Variants in TIGIT observed in about 807,000 individuals in gnomAD.
The protein encoded by TIGIT is T-cell immunoreceptor with Ig and ITIM domains.
In TIGIT, 11 loss-of-function variants were observed where a neutral mutation model predicts 19.6. The observed-to-expected ratio is 0.56, with a 90% confidence interval of 0.35 to 0.93. TIGIT has a LOEUF of 0.93. Among genes scored for constraint, TIGIT ranks in the 40% least tolerant of loss-of-function variants. The pLI is 0.01. For synonymous variants in TIGIT, 130 were observed against 125.5 expected, an observed-to-expected ratio of 1.04 and a Z score of -0.24; for missense variants, 295 against 303.9, an observed-to-expected ratio of 0.97 and a Z score of 0.22.
In TIGIT at chr3:114,309,515, T is replaced by C. The variant is rs1343812948; in HGVS notation, c.*1384T>C. 1.3e-5 allele frequency: 2 copies of C among 152,150 alleles called. No homozygotes were observed. Among genetic ancestry groups the C allele is most frequent in the Admixed American group, 6.5e-5 (1 of 15,276 alleles). 9.4% of individuals were successfully genotyped at this position (152,150 alleles called of 1,614,324 possible). A position where few individuals can be genotyped will look rare whatever the true frequency, so the allele number is the denominator to read the frequency against. Reference sequence around the variant, plus strand: ...CTGCTTCCTAAGACTTAGACTGGGGTTGACAATTGTTTTAGCAACAAGACA... The same window carrying C: ...CTGCTTCCTAAGACTTAGACTGGGGCTGACAATTGTTTTAGCAACAAGACA... On this transcript the variant is annotated 3_prime_UTR_variant, in exon 4 of 4. Transcript: ENST00000383671.
At chr3:114,295,898 T>C (rs762222481) in intron 2 of TIGIT, 24 bp downstream of exon 2, 4 of 1,557,640 alleles carry the variant, frequency 2.6e-6, no homozygotes, top group Non-Finnish European at 3.5e-6. Flanking sequence ...AGCAAGTTGG[T>C]GGATAAACCT....
intron 3 of TIGIT, among the ~76,000 whole-genome samples, chr3:114,307,326 C>A (rs756733382): frequency 6.6e-6 from 1 of 152,164 alleles, no homozygotes; most frequent in African/African-American, 2.4e-5. Flanking sequence ...GAGATTTGGG[C>A]ATCTTCAGAG....
intron 3 of TIGIT, among the ~76,000 whole-genome samples, chr3:114,303,890 G>A (rs183867805): frequency 1.9e-4 from 29 of 152,178 alleles, no homozygotes; most frequent in African/African-American, 5.5e-4. Context: ...CAGTGTAAAA[G>A]TGTTCCCCTT....
At position 114,295,557 on chromosome 3, in the gene TIGIT, G is replaced by A. The variant is rs1169726816; in HGVS notation, c.74G>A (p.Gly25Asp). ...TCCTCTTCCCTAGGAATGATGACAG[G>A]CACAATAGAAACAACGGGGAACATT... ...QAPLASGMMT[G>D]TIETTGNISA... The change falls in exon 2 of 4, where the codon GGC (glycine) becomes GAC (aspartate). Residue 25 changes from glycine (G) to aspartate (D), a missense_variant. Physicochemically the swap from Gly to Asp is moderately conservative, Grantham distance 94 (BLOSUM62 -1). Transcript: ENST00000383671. The A allele has an allele frequency of 1.9e-6, 3 of 1,613,406 alleles. No homozygotes were observed. The highest frequency in any genetic ancestry group is 2.5e-6 in the Non-Finnish European group (3 of 1,179,542).
In TIGIT at chr3:114,310,078, G is replaced by A. The variant is rs906520066; in HGVS notation, c.*1947G>A. The A allele has an allele frequency of 2.6e-5, 4 of 152,088 alleles. No individual in the cohort carries two copies. The highest frequency in any genetic ancestry group is 5.9e-5 in the Non-Finnish European group (4 of 68,016). The allele number at this position is 152,088 out of a possible 1,614,324, so 9.4% of individuals were successfully genotyped here. On this transcript the variant is annotated 3_prime_UTR_variant, in exon 4 of 4. Coordinates refer to ENST00000383671, the MANE Select transcript of TIGIT (RefSeq NM_173799.4). ...CCTGGAGACATGCGCTATCCACCAC[G>A]TAGCCACTTTCCACATGTGGCCATC...
chr3:114,307,589 A>G, intron 3 of TIGIT: 1 of 292,196 alleles, frequency 3.4e-6, no homozygotes, highest in Non-Finnish European at 6.5e-6. Context: ...AGGTCGACAG[A>G]GTCAAGTGCA....
intron 3 of TIGIT, among the ~76,000 whole-genome samples, chr3:114,306,234 G>A (rs561938402): frequency 6.6e-6 from 1 of 152,252 alleles, no homozygotes; most frequent in Admixed American, 6.5e-5. Flanking sequence ...TTTGGGAAAG[G>A]CAGGCCTCCA....
chr3:114,303,299 C>T (rs2078503911), intron 3 of TIGIT, among the ~76,000 whole-genome samples: 1 of 151,828 alleles, frequency 6.6e-6, no homozygotes, highest in African/African-American at 2.4e-5. Context: ...CCCCAAAGTC[C>T]ATTAGTCCCT....
Position 114,308,510 on chromosome 3 carries a change from A to G in TIGIT, c.*379A>G, listed in dbSNP as rs372129350. The G allele has an allele frequency of 7.7e-5, 13 of 168,056 alleles. No homozygotes were observed. In the East Asian group the frequency reaches 1.7e-3, roughly 23 times the overall value. 10.4% of individuals were successfully genotyped at this position (168,056 alleles called of 1,614,324 possible). On this transcript the variant is annotated 3_prime_UTR_variant, in exon 4 of 4. Transcript: ENST00000383671. The stretch of plus-strand genomic sequence containing the variant: ...TTGATGATGAGGATGGCATGACTGC[A>G]GAGCCATCCTCATCTCATTTTTTCA...
Position 114,308,270 on chromosome 3 carries a change from T to C in TIGIT, c.*139T>C. On this transcript the variant is annotated 3_prime_UTR_variant, in exon 4 of 4. Coordinates refer to ENST00000383671, the MANE Select transcript of TIGIT (RefSeq NM_173799.4). ...GTGTGTTCAGTTGAGTGAATAAATG[T>C]CATCCTCTTCTCCATCTTCATTTCC... 1.4e-6 allele frequency: 1 copy of C among 698,740 alleles called. No homozygotes were observed. Among genetic ancestry groups the C allele is most frequent in the Non-Finnish European group, 2.5e-6 (1 of 403,770 alleles). The allele number at this position is 698,740 out of a possible 1,614,324, so 43.3% of individuals were successfully genotyped here. A position where few individuals can be genotyped will look rare whatever the true frequency, so the allele number is the denominator to read the frequency against.
intron 1 of TIGIT, 110 bp from the exon 2 acceptor site, chr3:114,295,435 C>A (rs2078446764): frequency 2.5e-6 from 2 of 794,868 alleles, no homozygotes; most frequent in South Asian, 1.7e-5. Flanking sequence ...ACTGGAGAAA[C>A]TATCATTCCA....
rs2078557767 is a variant in TIGIT, at chr3:114,309,435, AAG to A, written c.*1308_*1309del. 6.6e-6 allele frequency: 1 copy of A among 152,226 alleles called. No homozygotes were observed. Among genetic ancestry groups the A allele is most frequent in the African/African-American group, 2.4e-5 (1 of 41,456 alleles). The allele number at this position is 152,226 out of a possible 1,614,324, so 9.4% of individuals were successfully genotyped here. On this transcript the variant is annotated 3_prime_UTR_variant, in exon 4 of 4. Coordinates refer to ENST00000383671, the MANE Select transcript of TIGIT (RefSeq NM_173799.4). ...TTTCTTTCATGGGCCAAGGAACTGA[AAG>A]AGAATGTGAAGCAAGGTTGTGTCTT...
chr3:114,303,380 G>A (rs2078504486), intron 3 of TIGIT, among the ~76,000 whole-genome samples: 1 of 151,670 alleles, frequency 6.6e-6, no homozygotes, highest in African/African-American at 2.4e-5. Flanking sequence ...TACAATGTTT[G>A]GTTTTTCATT....
intron 1 of TIGIT, 112 bp downstream of exon 1, chr3:114,294,234 G>C (rs2078439414): frequency 1.2e-6 from 1 of 825,582 alleles, no homozygotes; most frequent in South Asian, 1.8e-5. Flanking sequence ...AGCTGCTTGA[G>C]AGAAAGAAAT....
intron 1 of TIGIT, chr3:114,294,974 A>G (rs1011087898): frequency 1.3e-5 from 2 of 155,254 alleles, no homozygotes; most frequent in African/African-American, 4.8e-5. Flanking sequence ...CTAAGTGGGT[A>G]GACAAAATAG....
chr3:114,305,070 G>C (rs962116922), intron 3 of TIGIT, among the ~76,000 whole-genome samples: 1 of 152,218 alleles, frequency 6.6e-6, no homozygotes, highest in South Asian at 2.1e-4. Context: ...ATCTGAGGCT[G>C]TCATTTTCTC....
intron 2 of TIGIT, among the ~76,000 whole-genome samples, chr3:114,297,550 G>A (rs769975270): frequency 1.3e-5 from 2 of 152,108 alleles, no homozygotes; most frequent in Non-Finnish European, 2.9e-5. Context: ...ATCACCAGAC[G>A]GCAGGACCGG....
chr3:114,309,095 C>A lies in TIGIT; in HGVS notation c.*964C>A, dbSNP rs921119225. ...GCATTTGGGCCTTGATCTACCTTTT[C>A]TGCATCAATACACTCTTGAGCCTTT... On this transcript the variant is annotated 3_prime_UTR_variant, in exon 4 of 4. Transcript: ENST00000383671. 1 of 152,198 alleles carries A rather than the reference C, an allele frequency of 6.6e-6. No homozygotes were observed. Among genetic ancestry groups the A allele is most frequent in the Non-Finnish European group, 1.5e-5 (1 of 68,036 alleles). 9.4% of individuals were successfully genotyped at this position (152,198 alleles called of 1,614,324 possible).
intron 3 of TIGIT, among the ~76,000 whole-genome samples, chr3:114,303,575 ATATATATATATACATATATATG>A (rs1560033603): frequency 3.2e-3 from 16 of 5,006 alleles, no homozygotes; most frequent in South Asian, 0.024. Flanking sequence ...ATATATATGT[ATATATATATATACATATATATG>A]TATATATATA....
Sources: allele counts gnomAD v4.1 joint callset (sites outside exome capture counted in the v4.1 genomes callset), GRCh38; gene constraint gnomAD v4.1.1; transcripts MANE v1.5; gene names NCBI Gene and HGNC (gene_info 2026-07-23, HGNC 2026-07-21).